Variants in TIAM1 observed in about 807,000 individuals in gnomAD.
TIAM1 encodes the protein TIAM Rac1 associated GEF 1.
In TIAM1, 65 loss-of-function variants were observed where a neutral mutation model predicts 163.5. The ratio of observed to expected loss-of-function variants is 0.40; its 90% confidence interval spans 0.33 to 0.49. TIAM1 has a LOEUF of 0.49. Ranked by LOEUF, TIAM1 falls within the 20% of genes least tolerant of loss-of-function variation. The pLI is 0.77. For missense variants in TIAM1, 1,789 were observed against 2,044.7 expected, an observed-to-expected ratio of 0.87 and a Z score of 2.41; for synonymous variants, 833 against 810.1, an observed-to-expected ratio of 1.03 and a Z score of -0.48.
intron 2 of TIAM1, among the ~76,000 whole-genome samples, chr21:31,371,242 T>G (rs1265991374): frequency 2.6e-5 from 4 of 152,182 alleles, no homozygotes; most frequent in Non-Finnish European, 4.4e-5. Flanking sequence ...CTTGAGGACC[T>G]CTGGCCGGTT....
chr21:31,298,028 T>C (rs2074356494), intron 2 of TIAM1, among the ~76,000 whole-genome samples: 2 of 152,172 alleles, frequency 1.3e-5, no homozygotes, highest in African/African-American at 4.8e-5. Context: ...CATTAGATAA[T>C]CTAATCATCA....
chr21:31,304,473 A>C (rs982625380), intron 2 of TIAM1, among the ~76,000 whole-genome samples: 1 of 152,314 alleles, frequency 6.6e-6, no homozygotes, highest in South Asian at 2.1e-4. Flanking sequence ...AATCCATCTT[A>C]CAGCCTCAAA....
intron 2 of TIAM1, among the ~76,000 whole-genome samples, chr21:31,421,458 C>A (rs1265897273): frequency 1.3e-5 from 2 of 152,334 alleles, no homozygotes; most frequent in Admixed American, 6.5e-5. Flanking sequence ...AGCATTACCA[C>A]CTGAGCTCCG....
At chr21:31,128,886 G>A (rs1013461854) in intron 25 of TIAM1, among the ~76,000 whole-genome samples, 6 of 152,132 alleles carry the variant, frequency 3.9e-5, no homozygotes, top group African/African-American at 1.4e-4. Context: ...ATGGCAAGAG[G>A]GTTCTCCTCA....
At chr21:31,387,497 G>A (rs2076895178) in intron 2 of TIAM1, among the ~76,000 whole-genome samples, 1 of 151,820 alleles carries the variant, frequency 6.6e-6, no homozygotes, top group Non-Finnish European at 1.5e-5. Context: ...ACAGGCATGA[G>A]CCACCGAGCC....
intron 2 of TIAM1, among the ~76,000 whole-genome samples, chr21:31,331,175 T>C (rs1260174493): frequency 1.3e-5 from 2 of 152,198 alleles, no homozygotes; most frequent in African/African-American, 2.4e-5. Context: ...TCAACGAAGA[T>C]GATGACAAAC....
chr21:31,175,860 A>G (rs2146410945), intron 15 of TIAM1, among the ~76,000 whole-genome samples: 1 of 152,298 alleles, frequency 6.6e-6, no homozygotes, highest in South Asian at 2.1e-4. Context: ...CGGCCTCCCA[A>G]AGTGCTGGGA....
At position 31,339,475 on chromosome 21, in the gene TIAM1, C is replaced by T. The variant is rs147062618; in HGVS notation, c.-368-53G>A. The stretch of plus-strand genomic sequence containing the variant: ...GGTTTTGTGCTTCGTTTTTACATAC[C>T]TCTAGAGATTGCAAGATTATCCTCA... On this transcript the variant is annotated intron_variant, in intron 1 of 27. Coordinates refer to ENST00000541036, the MANE Select transcript of TIAM1 (RefSeq NM_001353694.2). The T allele has an allele frequency of 3.5e-4, 141 of 398,422 alleles. No individual in the cohort carries two copies. In the East Asian group the frequency reaches 5.0e-3, roughly 14 times the overall value. The allele number at this position is 398,422 out of a possible 1,614,324, so 24.7% of individuals were successfully genotyped here.
rs758301024 is a variant in TIAM1, at chr21:31,395,662, G to A, written c.-368-56240C>T. Among the ~76,000 whole-genome samples the A allele has an allele frequency of 4.6e-5, 7 of 152,188 alleles. No individual in the cohort carries two copies. Among genetic ancestry groups the A allele is most frequent in the African/African-American group, 1.2e-4 (5 of 41,448 alleles). On this transcript the variant is annotated intron_variant, in intron 2 of 28. Coordinates refer to the TIAM1 transcript ENST00000286827. The surrounding 1 kb of genome is among the most constrained non-coding windows in gnomAD (Gnocchi z 7.5). ...ATGGGGGTAGTAAAAGGTGCTGGAC[G>A]AGAGAATAAATATTGACTAAAACAT...
intron 11 of TIAM1, among the ~76,000 whole-genome samples, chr21:31,204,199 T>G (rs766209978): frequency 1.3e-5 from 2 of 152,186 alleles, no homozygotes; most frequent in Non-Finnish European, 2.9e-5. Flanking sequence ...GTGATTTTTT[T>G]AAGCATCCTT....
At chr21:31,168,156 G>A (rs1188862857) in intron 15 of TIAM1, among the ~76,000 whole-genome samples, 2 of 149,154 alleles carry the variant, frequency 1.3e-5, no homozygotes, top group Non-Finnish European at 1.5e-5. Context: ...GCAGTGGTGT[G>A]ATCTCAGTTC....
intron 1 of TIAM1, among the ~76,000 whole-genome samples, chr21:31,473,178 C>T (rs2045809159): frequency 6.6e-6 from 1 of 152,148 alleles, no homozygotes; most frequent in South Asian, 2.1e-4. Flanking sequence ...CGCCTGTAAT[C>T]CCAGCACTTT....
chr21:31,554,617 CCA>C (rs1285211891), intron 1 of TIAM1, among the ~76,000 whole-genome samples: 1 of 152,188 alleles, frequency 6.6e-6, no homozygotes, highest in Non-Finnish European at 1.5e-5. Flanking sequence ...AAACTTCCTC[CCA>C]CAGAGTTCTT....
chr21:31,251,890 G>A lies in TIAM1; in HGVS notation c.1263C>T (p.Gly421=). 6.2e-7 allele frequency: 1 copy of A among 1,613,822 alleles called. No individual in the cohort carries two copies. The highest frequency in any genetic ancestry group is 8.5e-7 in the Non-Finnish European group (1 of 1,179,908). Residue 421 remains glycine (G), a synonymous_variant, in exon 5 of 28, where the codon GGC becomes GGT. Transcript: ENST00000541036. ...CGGCGGTCAGCAGGATGTCCGACTGGCCCGGAGAGCTCAGGGTGCCGCTGC... is the reference window on the plus strand; with the variant it reads ...CGGCGGTCAGCAGGATGTCCGACTGACCCGGAGAGCTCAGGGTGCCGCTGC... ...EQSSGTLSSP[G]QSDILLTAAQ...
At chr21:31,221,512 A>G (rs1410003223) in intron 8 of TIAM1, among the ~76,000 whole-genome samples, 3 of 152,234 alleles carry the variant, frequency 2.0e-5, no homozygotes, top group Non-Finnish European at 4.4e-5. Context: ...AGACATTGAG[A>G]TGAAGGAAAT....
chr21:31,274,476 T>C (rs1288236268), intron 3 of TIAM1, among the ~76,000 whole-genome samples: 1 of 152,152 alleles, frequency 6.6e-6, no homozygotes, highest in Non-Finnish European at 1.5e-5. Context: ...TTCATCACCT[T>C]GAGAACTAAG....
At chr21:31,331,526 C>T (rs1264097948) in intron 2 of TIAM1, among the ~76,000 whole-genome samples, 1 of 152,202 alleles carries the variant, frequency 6.6e-6, no homozygotes, top group Non-Finnish European at 1.5e-5. Flanking sequence ...CCTGGTAGGA[C>T]AGAGCCTACC....
At chr21:31,333,500 C>T (rs1204960343) in intron 2 of TIAM1, among the ~76,000 whole-genome samples, 1 of 152,132 alleles carries the variant, frequency 6.6e-6, no homozygotes, top group Non-Finnish European at 1.5e-5. Flanking sequence ...TGCAGTGGCG[C>T]AAACATGGCT....
At chr21:31,210,544 AAG>A (rs1451307524) in intron 10 of TIAM1, among the ~76,000 whole-genome samples, 4 of 96,782 alleles carry the variant, frequency 4.1e-5, no homozygotes, top group Non-Finnish European at 5.7e-5. Flanking sequence ...AAAAGAAAGA[AAG>A]AAAGAAAGAA....
Sources: allele counts gnomAD v4.1 joint callset (sites outside exome capture counted in the v4.1 genomes callset), GRCh38; gene constraint gnomAD v4.1.1; non-coding constraint Gnocchi (gnomAD v3.1); transcripts MANE v1.5; gene names NCBI Gene and HGNC (gene_info 2026-07-23, HGNC 2026-07-21).